Variants in ARFGEF3 observed in about 807,000 individuals in gnomAD.
The protein encoded by ARFGEF3 is brefeldin A-inhibited guanine nucleotide-exchange protein 3.
ARFGEF3 carries 96 observed loss-of-function variants against 221.7 expected under a neutral mutation model. The ratio of observed to expected loss-of-function variants is 0.43; its 90% CI spans 0.37 to 0.51. The LOEUF is 0.51. ARFGEF3 is among the 20% of genes least tolerant of loss of function. The pLI, the probability that ARFGEF3 is intolerant of heterozygous loss-of-function variation, is 0.00. For synonymous variants in ARFGEF3, 1,145 were observed against 1,126.8 expected (o/e 1.02, Z -0.32); for missense variants, 2,410 against 2,789.9 (o/e 0.86, Z 3.07).
chr6:138,176,129 G>A (rs1776941139), intron 2 of ARFGEF3, among the ~76,000 whole-genome samples: 1 of 150,722 alleles, frequency 6.6e-6, no homozygotes, highest in Non-Finnish European at 1.5e-5. Context: ...GTCTACACAT[G>A]TCTCTACAAG....
At position 138,286,751 on chromosome 6, in the gene ARFGEF3, G is replaced by A. The variant is rs976528035; in HGVS notation, c.2620G>A (p.Asp874Asn). 34 of 1,613,908 alleles carry A rather than the reference G, an allele frequency of 2.1e-5. 1 individual carries two copies. The Admixed American group carries it at 4.8e-4, about 23-fold the overall frequency. The change falls in exon 16 of 34, where the codon GAT (aspartate) becomes AAT (asparagine). Residue 874 changes from aspartate to asparagine, a missense_variant. By Grantham distance (23) the Asp-to-Asn change is conservative (BLOSUM62 1). Transcript: ENST00000251691. ...ILVGCWKNLI[D>N]TLSTPLTGRM... is the part of the protein sequence containing the mutation. ...GGTGGGCTGCTGGAAGAACTTGATCGATACTTTATCAACCCCACTGACTGG... is the reference window on the plus strand; with the variant it reads ...GGTGGGCTGCTGGAAGAACTTGATCAATACTTTATCAACCCCACTGACTGG...
Position 138,296,793 on chromosome 6 carries a change from T to C in ARFGEF3, c.3503-17T>C, listed in dbSNP as rs770913839. 1.9e-6 allele frequency: 3 copies of C among 1,611,256 alleles called. No individual in the cohort carries two copies. Among genetic ancestry groups the C allele is most frequent in the Non-Finnish European group, 2.5e-6 (3 of 1,178,690 alleles). On this transcript the variant is annotated splice_polypyrimidine_tract_variant and intron_variant, in intron 20 of 33. Transcript: ENST00000251691. ...GAGTTTTGGCTTTCTGGCATTTATG[T>C]TCTTGCCTTCCTGTAGGAGAAGTTA... is the stretch of plus-strand genomic sequence containing the variant.
rs188361947 is a variant in ARFGEF3, at chr6:138,321,081, G to A, written c.4652-30G>A. 4.9e-5 allele frequency: 66 copies of A among 1,346,602 alleles called. No homozygotes were observed. The African/African-American group carries it at 8.4e-4, about 17-fold the overall frequency. The allele number at this position is 1,346,602 out of a possible 1,614,324, so 83.4% of individuals were successfully genotyped here. On this transcript the variant is annotated intron_variant, in intron 28 of 33. Coordinates refer to ENST00000251691, the MANE Select transcript of ARFGEF3 (RefSeq NM_020340.5). ...ATCTACCCCTTTACACTAGAGCTGTGTGAAACTGTGATTTTGCTGTTTCCC... is the reference window on the plus strand; with the variant it reads ...ATCTACCCCTTTACACTAGAGCTGTATGAAACTGTGATTTTGCTGTTTCCC...
chr6:138,215,247 C>T (rs776019006), intron 4 of ARFGEF3, among the ~76,000 whole-genome samples: 47 of 152,010 alleles, frequency 3.1e-4, no homozygotes, highest in African/African-American at 1.0e-3. Context: ...CAAAGGCTGC[C>T]GAATGGAATT....
At chr6:138,288,757 C>T (rs1161864933) in intron 17 of ARFGEF3, among the ~76,000 whole-genome samples, 2 of 152,106 alleles carry the variant, frequency 1.3e-5, no homozygotes, top group South Asian at 4.1e-4. Context: ...TTGCTCCTTA[C>T]ATTAGGAGAT....
chr6:138,193,987 G>A (rs773139588), intron 2 of ARFGEF3, among the ~76,000 whole-genome samples: 10 of 152,086 alleles, frequency 6.6e-5, no homozygotes, highest in African/African-American at 1.9e-4. Flanking sequence ...TAAAAAAGAC[G>A]ATGGAGCCGG....
intron 13 of ARFGEF3, among the ~76,000 whole-genome samples, chr6:138,279,017 T>G (rs1779149543): frequency 6.6e-6 from 1 of 152,072 alleles, no homozygotes; most frequent in African/African-American, 2.4e-5. Context: ...GAGTTGTGTT[T>G]TTCTTTTTTT....
intron 4 of ARFGEF3, among the ~76,000 whole-genome samples, chr6:138,214,270 T>A (rs978434141): frequency 6.6e-6 from 1 of 152,224 alleles, no homozygotes; most frequent in Non-Finnish European, 1.5e-5. Context: ...TGGATTTCCA[T>A]TACATCTGAA....
At position 138,197,182 on chromosome 6, in the gene ARFGEF3, C is replaced by T. The variant is rs148125053; in HGVS notation, c.138-9860C>T. Reference sequence around the variant, plus strand: ...AAACTTTTTGTTAAGAACCAGGACACAAACACACATTAGCCTAGACCTACA... The same window carrying T: ...AAACTTTTTGTTAAGAACCAGGACATAAACACACATTAGCCTAGACCTACA... On this transcript the variant is annotated intron_variant, in intron 2 of 33. Coordinates refer to ENST00000251691, the MANE Select transcript of ARFGEF3 (RefSeq NM_020340.5). Among the ~76,000 whole-genome samples the T allele has an allele frequency of 4.5e-3, 678 of 150,000 alleles. 3 individuals carry two copies. The highest frequency in any genetic ancestry group is 9.7e-3 in the East Asian group (49 of 5,048).
chr6:138,186,951 T>G (rs1424111878), intron 2 of ARFGEF3, among the ~76,000 whole-genome samples: 1 of 143,762 alleles, frequency 7.0e-6, no homozygotes, highest in African/African-American at 2.7e-5. Flanking sequence ...GTTTCACTCT[T>G]GTTGCCCAGG....
chr6:138,312,437 GCCTCCC>G (rs1353052539), intron 25 of ARFGEF3, among the ~76,000 whole-genome samples: 2 of 152,040 alleles, frequency 1.3e-5, no homozygotes, highest in Non-Finnish European at 2.9e-5. Context: ...CCATCCAGCT[GCCTCCC>G]CCAGGCCCCA....
Position 138,243,505 on chromosome 6 carries a change from A to G in ARFGEF3, c.586+511A>G, listed in dbSNP as rs182396095. Among the ~76,000 whole-genome samples the G allele has an allele frequency of 1.1e-4, 17 of 152,316 alleles. No homozygotes were observed. In the East Asian group the frequency reaches 1.9e-3, roughly 17 times the overall value. On this transcript the variant is annotated intron_variant, in intron 7 of 33. Coordinates refer to ENST00000251691, the MANE Select transcript of ARFGEF3 (RefSeq NM_020340.5). The stretch of plus-strand genomic sequence containing the variant: ...CTTTCATTCTGACCCACAGGAAAAG[A>G]AAAAATATAGAAGTCCACATATATA...
Position 138,294,134 on chromosome 6 carries a change from T to G in ARFGEF3, c.3502+8T>G. 6 of 1,613,220 alleles carry G rather than the reference T, an allele frequency of 3.7e-6. No individual in the cohort carries two copies. Among genetic ancestry groups the G allele is most frequent in the Non-Finnish European group, 5.1e-6 (6 of 1,179,696 alleles). On this transcript the variant is annotated splice_region_variant and intron_variant, in intron 20 of 33. Coordinates refer to ENST00000251691, the MANE Select transcript of ARFGEF3 (RefSeq NM_020340.5). ...ACTCTCTGGCAATGCCAGGTAATTC[T>G]TTCCCTGAATAAACCATATGCCAGG...
In ARFGEF3 at chr6:138,334,519, T is replaced by C; in HGVS notation, c.5673T>C (p.Pro1891=). The change falls in exon 33 of 34, where the codon CCT becomes CCC. Residue 1891 remains proline, a synonymous_variant. Transcript: ENST00000251691. The surrounding 1 kb of genome is among the most constrained non-coding windows in gnomAD (Gnocchi z 5.1). ...RARMPLLSVQ[P]VSNADWVWLV... ...GGATGCCCTTGCTCAGCGTCCAGCC[T>C]GTCAGCAACGCAGATTGGGTGTGGC... 1 of 1,612,312 alleles carries C rather than the reference T, an allele frequency of 6.2e-7. No homozygotes were observed. Among genetic ancestry groups the C allele is most frequent in the Non-Finnish European group, 8.5e-7 (1 of 1,179,708 alleles).
chr6:138,196,043 G>C (rs1777412487), intron 2 of ARFGEF3, among the ~76,000 whole-genome samples: 1 of 151,926 alleles, frequency 6.6e-6, no homozygotes, highest in South Asian at 2.1e-4. Context: ...CTGGCTTGCT[G>C]TATGTAAAAT....
At position 138,263,155 on chromosome 6, in the gene ARFGEF3, G is replaced by A. The variant is rs1778824078; in HGVS notation, c.1672G>A (p.Asp558Asn). 4.3e-6 allele frequency: 7 copies of A among 1,613,896 alleles called. No individual in the cohort carries two copies. Among genetic ancestry groups the A allele is most frequent in the Non-Finnish European group, 5.9e-6 (7 of 1,179,894 alleles). ...CAAAGTATTGGAAACAGAGGCGGTA[G>A]ACCAGCCAGATGTCGTGCAGAGAAG... ...LSKVLETEAV[D>N]QPDVVQRSHT... Residue 558 changes from aspartate to asparagine, a missense_variant, in exon 12 of 34, where the codon GAC (aspartate) becomes AAC (asparagine). By Grantham distance (23) the Asp-to-Asn change is conservative. Coordinates refer to ENST00000251691, the MANE Select transcript of ARFGEF3 (RefSeq NM_020340.5).
chr6:138,291,658 C>T lies in ARFGEF3; in HGVS notation c.3048-75C>T, dbSNP rs1779405503. 9.1e-7 allele frequency: 1 copy of T among 1,099,752 alleles called. No individual in the cohort carries two copies. Among genetic ancestry groups the T allele is most frequent in the East Asian group, 3.2e-5 (1 of 31,176 alleles). The allele number at this position is 1,099,752 out of a possible 1,614,324, so 68.1% of individuals were successfully genotyped here. ...GCAGAGCTGGCTGCATTTCCTTTGT[C>T]TGGCACTGTGGGGTTTATGGAGCTG... On this transcript the variant is annotated intron_variant, in intron 18 of 33. Transcript: ENST00000251691. The surrounding 1 kb of genome is among the most constrained non-coding windows in gnomAD (Gnocchi z 4.5).
Position 138,289,981 on chromosome 6 carries a change from C to T in ARFGEF3, c.3047+13C>T. 2.6e-5 allele frequency: 42 copies of T among 1,600,970 alleles called. No homozygotes were observed. Among genetic ancestry groups the T allele is most frequent in the Non-Finnish European group, 3.5e-5 (41 of 1,172,722 alleles). On this transcript the variant is annotated intron_variant, in intron 18 of 33. Coordinates refer to ENST00000251691, the MANE Select transcript of ARFGEF3 (RefSeq NM_020340.5). ...CACACGTGTTCAGGTGCATGACGGG[C>T]TCCCACCCCCAGATGGCACTAACCC...
intron 5 of ARFGEF3, 96 bp from the exon 6 acceptor site, chr6:138,238,413 A>G: frequency 1.5e-6 from 2 of 1,304,798 alleles, no homozygotes; most frequent in Non-Finnish European, 2.1e-6. Context: ...TTTCTGTTTA[A>G]GAGGGATTTG....
Sources: gnomAD v4.1 joint callset for allele counts (sites outside exome capture counted in the v4.1 genomes callset) on GRCh38, gnomAD v4.1.1 for gene constraint, Gnocchi (gnomAD v3.1) non-coding constraint, MANE v1.5 for transcripts, NCBI Gene and HGNC (gene_info 2026-07-23, HGNC 2026-07-21) for gene names.